Variants in ABCC6 observed in about 807,000 individuals in gnomAD.
ABCC6 encodes the protein ATP binding cassette subfamily C member 6, also known as ATP-binding cassette sub-family C member 6.
Under a neutral mutation model 169.5 loss-of-function variants are expected in ABCC6, and 126 were observed. The observed-to-expected ratio is 0.74, with a 90% CI of 0.64 to 0.86. The LOEUF is 0.86. ABCC6 is among the 40% of genes least tolerant of loss of function. The pLI is 0.00. For missense variants in ABCC6, 1,733 were observed against 1,927.2 expected (o/e 0.90, Z 1.89); for synonymous variants, 752 against 814.7 (o/e 0.92, Z 1.31).
chr16:16,175,889 T>C (rs771945044), intron 20 of ABCC6, 22 bp downstream of exon 20: 3 of 1,613,862 alleles, frequency 1.9e-6, no homozygotes, highest in South Asian at 2.2e-5. Context: ...CCCTTCTGAG[T>C]GTGGCACCAT....
chr16:16,221,046 C>T (rs1475468947), intron 2 of ABCC6: 2 of 244,312 alleles, frequency 8.2e-6, no homozygotes, highest in Admixed American at 5.8e-5. Flanking sequence ...CCGCTTGGCT[C>T]TTTAAGTTTG....
intron 11 of ABCC6, 103 bp from the exon 12 acceptor site, chr16:16,190,470 C>T (rs2047812716): frequency 7.6e-7 from 1 of 1,321,958 alleles, no homozygotes; most frequent in African/African-American, 1.5e-5. Flanking sequence ...TCTCACCAAA[C>T]TGCGTCCCAA....
intron 22 of ABCC6, 143 bp from the exon 23 acceptor site, chr16:16,166,076 G>C: frequency 4.9e-6 from 4 of 820,258 alleles, no homozygotes; most frequent in Non-Finnish European, 7.6e-6. Context: ...TTTGAGACAG[G>C]GTCTCACTCT....
chr16:16,217,944 G>A (rs1045087848), intron 4 of ABCC6, among the ~76,000 whole-genome samples: 4 of 152,152 alleles, frequency 2.6e-5, no homozygotes, highest in Non-Finnish European at 5.9e-5. Flanking sequence ...ACAAAAATTA[G>A]CTGGGCATGG....
intron 17 of ABCC6, among the ~76,000 whole-genome samples, chr16:16,179,883 G>A (rs376466038): frequency 1.7e-4 from 26 of 152,234 alleles, no homozygotes; most frequent in African/African-American, 4.3e-4. Context: ...GAGCCACTGC[G>A]CCCGGCCTAC....
Position 16,182,826 on chromosome 16 carries a change from A to C in ABCC6, c.2048T>G (p.Val683Gly). The change falls in exon 16 of 31, where the codon GTG (valine) becomes GGG (glycine). Residue 683 changes from valine (V) to glycine (G), a missense_variant. Coordinates refer to ENST00000205557, the MANE Select transcript of ABCC6 (RefSeq NM_001171.6). ...CACCTCGATGCTCACGAACCCCTCC[A>C]CCTTTGACAGCTCCCCAAGGAGGGC... ...LSALLGELSK[V>G]EGFVSIEGAV... is the part of the protein sequence containing the mutation. 2 of 1,613,916 alleles carry C rather than the reference A, an allele frequency of 1.2e-6. No individual in the cohort carries two copies. Among genetic ancestry groups the C allele is most frequent in the Non-Finnish European group, 1.7e-6 (2 of 1,179,968 alleles).
rs548832119 is a variant in ABCC6, at chr16:16,168,952, T to C, written c.2995+694A>G. Among the ~76,000 whole-genome samples the C allele has an allele frequency of 7.8e-4, 119 of 152,110 alleles. 1 individual carries two copies. The South Asian group carries it at 0.023, about 30-fold the overall frequency. ...AAAAATTAACCAGGCTGCACACTTG[T>C]AATCCCAGCTTCCAGCTACTCAGGA... is the stretch of plus-strand genomic sequence containing the variant. On this transcript the variant is annotated intron_variant, in intron 22 of 30. Coordinates refer to ENST00000205557, the MANE Select transcript of ABCC6 (RefSeq NM_001171.6).
At chr16:16,182,125 G>C (rs985110477) in intron 17 of ABCC6, among the ~76,000 whole-genome samples, 3 of 152,196 alleles carry the variant, frequency 2.0e-5, no homozygotes, top group Non-Finnish European at 4.4e-5. Context: ...GCAGGGCAGA[G>C]TAAGACAGGA....
intron 29 of ABCC6, 116 bp from the exon 30 acceptor site, chr16:16,150,888 G>A: frequency 6.5e-7 from 1 of 1,529,406 alleles, no homozygotes. Flanking sequence ...CTGTGTTCAG[G>A]CATCCCCACA....
At position 16,190,332 on chromosome 16, in the gene ABCC6, C is replaced by T; in HGVS notation, c.1467G>A (p.Arg489=). The change falls in exon 12 of 31, where the codon CGG becomes CGA. Residue 489 remains arginine (R), a synonymous_variant. Transcript: ENST00000205557. ...AGTTCCTGAGGATAGAGCTGGTGAG[C>T]CGTGCCCGTGAGTCCTTCTGCCTCA... is the stretch of plus-strand genomic sequence containing the variant. The part of the protein sequence containing the change: ...EQMRQKDSRA[R]LTSSILRNSK... 1.2e-6 allele frequency: 2 copies of T among 1,614,188 alleles called. No homozygotes were observed. Among genetic ancestry groups the T allele is most frequent in the Non-Finnish European group, 1.7e-6 (2 of 1,180,036 alleles).
intron 14 of ABCC6, among the ~76,000 whole-genome samples, chr16:16,185,807 C>G (rs911016666): frequency 6.6e-6 from 1 of 152,116 alleles, no homozygotes; most frequent in African/African-American, 2.4e-5. Flanking sequence ...GCTACTACTA[C>G]TAATTATTAT....
intron 29 of ABCC6, 65 bp downstream of exon 29, chr16:16,154,563 G>C (rs2046478671): frequency 6.3e-7 from 1 of 1,598,958 alleles, no homozygotes; most frequent in Admixed American, 1.7e-5. Flanking sequence ...GAAGGCCCTT[G>C]GGGAGGGCAT....
At chr16:16,183,262 A>C (rs1358825453) in intron 15 of ABCC6, among the ~76,000 whole-genome samples, 1 of 152,202 alleles carries the variant, frequency 6.6e-6, no homozygotes, top group African/African-American at 2.4e-5. Context: ...TCACACGCAT[A>C]CATGTGTGCA....
rs905375853 is a variant in ABCC6 at position 16,151,157 on chromosome 16, C to T, written c.4209-385G>A. On this transcript the variant is annotated intron_variant, in intron 29 of 30. Transcript: ENST00000205557. The stretch of plus-strand genomic sequence containing the variant: ...TCAGCTCGCTGCAACTTCTGCCTCC[C>T]GGTTCAAGCAGTTTTCCTGCCTCAG... Among the ~76,000 whole-genome samples, 70 of 152,154 alleles carry T rather than the reference C, an allele frequency of 4.6e-4. 1 individual carries two copies. Among genetic ancestry groups the T allele is most frequent in the Middle Eastern group, 3.4e-3 (1 of 294 alleles).
chr16:16,214,448 C>T lies in ABCC6; in HGVS notation c.476G>A (p.Gly159Asp), dbSNP rs1297317601. The T allele has an allele frequency of 1.9e-6, 3 of 1,551,600 alleles. No homozygotes were observed. The South Asian group carries it at 3.6e-5, about 18-fold the overall frequency. ...GTGGCGGACAGGGTCGCTCTGGAAG[C>T]CCTGTGGGAGGGAAAGCAGAAGATA... The part of the protein sequence containing the change: ...TNAAQQASGA[G>D]FQSDPVRHLS... The change falls in exon 5 of 31, where the codon GGC becomes GAC. Residue 159 changes from glycine to aspartate, a missense_variant and splice_region_variant. By Grantham distance (94) the Gly-to-Asp change is moderately conservative. This residue lies in a region of ABCC6 where 49 missense variants were observed against 85.8 expected (regional missense o/e 0.57). Coordinates refer to ENST00000205557, the MANE Select transcript of ABCC6 (RefSeq NM_001171.6).
chr16:16,150,636 C>T lies in ABCC6; in HGVS notation c.4345G>A (p.Ala1449Thr), dbSNP rs747383956. The T allele has an allele frequency of 3.1e-6, 5 of 1,613,518 alleles. No homozygotes were observed. Among genetic ancestry groups the T allele is most frequent in the Non-Finnish European group, 4.2e-6 (5 of 1,179,912 alleles). The change falls in exon 30 of 31, where the codon GCA becomes ACA. Residue 1449 changes from alanine to threonine, a missense_variant. By Grantham distance (58) the Ala-to-Thr change is moderately conservative. Coordinates refer to ENST00000205557, the MANE Select transcript of ABCC6 (RefSeq NM_001171.6). The part of the protein sequence containing the change: ...QMQAMLGSWF[A>T]QCTVLLIAHR... ...GCAATGAGCAGCACAGTGCACTGTG[C>T]AAACCAGCTCCCGAGCATGGCCTGC...
chr16:16,195,163 A>C (rs2047991698), intron 10 of ABCC6, among the ~76,000 whole-genome samples: 1 of 152,064 alleles, frequency 6.6e-6, no homozygotes, highest in Admixed American at 6.6e-5. Context: ...GGTATCATTA[A>C]ACTGTAGCAA....
intron 24 of ABCC6, 134 bp from the exon 25 acceptor site, chr16:16,161,698 A>C: frequency 8.4e-7 from 1 of 1,188,690 alleles, no homozygotes; most frequent in Non-Finnish European, 1.2e-6. Flanking sequence ...CATGCAACCC[A>C]GGCTCAGGGA....
chr16:16,154,273 A>T (rs1432256642), intron 29 of ABCC6, among the ~76,000 whole-genome samples: 1 of 152,170 alleles, frequency 6.6e-6, no homozygotes, highest in Non-Finnish European at 1.5e-5. Flanking sequence ...CAAAAAAAAA[A>T]ATCCTATATT....
Sources: gnomAD v4.1 joint callset for allele counts (sites outside exome capture counted in the v4.1 genomes callset) on GRCh38, gnomAD v4.1.1 for gene constraint, gnomAD v4.1.1 regional missense constraint, MANE v1.5 for transcripts, NCBI Gene and HGNC (gene_info 2026-07-23, HGNC 2026-07-21) for gene names.